Variants in EFHC2 observed in about 807,000 individuals in gnomAD.
EFHC2 encodes EF-hand domain-containing family member C2.
In EFHC2, 18 loss-of-function variants were observed where a neutral mutation model predicts 52.7. That is an observed-to-expected ratio of 0.34 (90% CI 0.24 to 0.51). The LOEUF (loss-of-function observed/expected upper bound fraction) is 0.51. EFHC2 is among the 20% of genes least tolerant of loss of function. The pLI is 0.97. For synonymous variants in EFHC2, 203 were observed against 204.1 expected, an observed-to-expected ratio of 0.99 and a Z score of 0.04; for missense variants, 513 against 562.5, an observed-to-expected ratio of 0.91 and a Z score of 0.89.
Position 44,229,734 on chromosome X carries a change from C to G in EFHC2, c.1666G>C (p.Glu556Gln), listed in dbSNP as rs760227013. 5 of 1,210,215 alleles carry G rather than the reference C, an allele frequency of 4.1e-6. 1 individual carries two copies. Among genetic ancestry groups the G allele is most frequent in the Middle Eastern group, 4.6e-4 (2 of 4,354 alleles). ...TTGAGCTCTCTGGATTTTCCTTCTTCTTGCTTCAGCTTTTGTAGGGCAAGT... is the reference window on the plus strand; with the variant it reads ...TTGAGCTCTCTGGATTTTCCTTCTTGTTGCTTCAGCTTTTGTAGGGCAAGT... ...LKLALQKLKQ[E>Q]EGKSRELKQV... is the part of the protein sequence containing the mutation. Residue 556 changes from glutamate (E) to glutamine (Q), a missense_variant, in exon 11 of 15, where the codon GAA becomes CAA. Transcript: ENST00000420999.
chrX:44,177,023 T>C (rs1234022004), intron 12 of EFHC2, among the ~76,000 whole-genome samples: 1 of 112,544 alleles, frequency 8.9e-6, no homozygotes, highest in African/African-American at 3.2e-5. Context: ...AAGTTGGCTC[T>C]TTTCTTTGCA....
intron 11 of EFHC2, among the ~76,000 whole-genome samples, chrX:44,210,983 A>G (rs2037090431): frequency 8.9e-6 from 1 of 112,279 alleles, no homozygotes; most frequent in Admixed American, 9.4e-5. Flanking sequence ...GTAATAAGAG[A>G]AACTAAAAAT....
chrX:44,263,814 A>G (rs1303755751), intron 3 of EFHC2, among the ~76,000 whole-genome samples: 1 of 112,136 alleles, frequency 8.9e-6, no homozygotes, highest in Non-Finnish European at 1.9e-5. Flanking sequence ...TTCTTCAAAA[A>G]TTCCATCTAT....
At chrX:44,159,057 C>T (rs1007810725) in intron 14 of EFHC2, among the ~76,000 whole-genome samples, 1 of 112,672 alleles carries the variant, frequency 8.9e-6, no homozygotes, top group Non-Finnish European at 1.9e-5. Context: ...TCTGGCCCAA[C>T]TCAGGACAAC....
At chrX:44,325,106 T>C (rs2038044218) in intron 1 of EFHC2, among the ~76,000 whole-genome samples, 1 of 111,641 alleles carries the variant, frequency 9.0e-6, no homozygotes, top group Admixed American at 9.6e-5. Context: ...TATTAGAGTA[T>C]TAGCTTGAAA....
Position 44,296,727 on chromosome X carries a change from C to T in EFHC2, c.231+15841G>A, listed in dbSNP as rs1156616776. On this transcript the variant is annotated intron_variant, in intron 2 of 14. Coordinates refer to ENST00000420999, the MANE Select transcript of EFHC2 (RefSeq NM_025184.4). ...TTTATCACCTTTCCTCCTAAAAGACCATTAAGTAAATTTGCTAAAATAGAA... is the reference window on the plus strand; with the variant it reads ...TTTATCACCTTTCCTCCTAAAAGACTATTAAGTAAATTTGCTAAAATAGAA... 7.2e-5 allele frequency among the ~76,000 whole-genome samples: 8 copies of T among 111,597 alleles called. No homozygotes were observed. The East Asian group carries it at 2.2e-3, about 31-fold the overall frequency.
intron 1 of EFHC2, among the ~76,000 whole-genome samples, chrX:44,323,729 C>T (rs896774063): frequency 2.7e-5 from 3 of 111,640 alleles, no homozygotes; most frequent in Non-Finnish European, 3.8e-5. Flanking sequence ...GAGCCCTCCA[C>T]AAGGCTAACC....
At chrX:44,187,775 G>T (rs1358861777) in intron 11 of EFHC2, among the ~76,000 whole-genome samples, 2 of 109,950 alleles carry the variant, frequency 1.8e-5, no homozygotes, top group African/African-American at 6.6e-5. Flanking sequence ...GGGTGACAGA[G>T]TGAGAAAGTG....
At chrX:44,272,540 C>A in intron 3 of EFHC2, 146 bp downstream of exon 3, 3 of 552,125 alleles carry the variant, frequency 5.4e-6, no homozygotes, top group Non-Finnish European at 5.5e-6. Flanking sequence ...AATAACTACA[C>A]GCTAATGGCA....
At chrX:44,254,139 T>C (rs755288600) in intron 4 of EFHC2, among the ~76,000 whole-genome samples, 25 of 111,967 alleles carry the variant, frequency 2.2e-4, no homozygotes, top group African/African-American at 7.5e-4. Context: ...AGACCAAAGG[T>C]AGATAAATCC....
chrX:44,292,975 CTTT>C (rs370747140), intron 2 of EFHC2, among the ~76,000 whole-genome samples: 38 of 94,174 alleles, frequency 4.0e-4, no homozygotes, highest in African/African-American at 1.1e-3. Context: ...TCCTTTCTTT[CTTT>C]TTTTTTTTTT....
At chrX:44,182,354 G>A (rs923334666) in intron 11 of EFHC2, among the ~76,000 whole-genome samples, 10 of 112,395 alleles carry the variant, frequency 8.9e-5, no homozygotes, top group African/African-American at 3.2e-4. Context: ...ACATGGACAT[G>A]TGGGTTACTT....
At chrX:44,289,055 T>C (rs192969379) in intron 2 of EFHC2, among the ~76,000 whole-genome samples, 23 of 112,225 alleles carry the variant, frequency 2.0e-4, no homozygotes, top group African/African-American at 7.4e-4. Context: ...GTTGTGACCA[T>C]ATAGCCTGTT....
At chrX:44,215,377 A>C (rs1287532191) in intron 11 of EFHC2, among the ~76,000 whole-genome samples, 1 of 111,109 alleles carries the variant, frequency 9.0e-6, no homozygotes, top group Non-Finnish European at 1.9e-5. Flanking sequence ...CAAAAATATC[A>C]AATATCTAGG....
rs190897790 is a variant in EFHC2, at chrX:44,246,934, C to A, written c.1111+1338G>T. ...TATACATTTAAATTTTCATTCTACA[C>A]TAAAGACGGATTCCAAACAGGCATC... On this transcript the variant is annotated intron_variant, in intron 7 of 14. Coordinates refer to ENST00000420999, the MANE Select transcript of EFHC2 (RefSeq NM_025184.4). Among the ~76,000 whole-genome samples the A allele has an allele frequency of 3.6e-5, 4 of 111,808 alleles. No homozygotes were observed. The Admixed American group carries it at 3.8e-4, about 11-fold the overall frequency.
intron 11 of EFHC2, among the ~76,000 whole-genome samples, chrX:44,198,149 C>A (rs1314727177): frequency 9.0e-6 from 1 of 111,521 alleles, no homozygotes; most frequent in African/African-American, 3.3e-5. Context: ...ATAAAATAAA[C>A]ACAATATAAA....
chrX:44,294,249 CGTGTGTGTGTGTGTGTGTGT>C lies in EFHC2; in HGVS notation c.231+18299_231+18318del, dbSNP rs200162737. ...AAGTTTTCAGATTTGGTATACTCAA[CGTGTGTGTGTGTGTGTGTGT>C]GTGTGTGTGTGTGTGTGTGTGTGTG... On this transcript the variant is annotated intron_variant, in intron 2 of 14. Coordinates refer to ENST00000420999, the MANE Select transcript of EFHC2 (RefSeq NM_025184.4). Among the ~76,000 whole-genome samples, 34 of 87,494 alleles carry C rather than the reference CGTGTGTGTGTGTGTGTGTGT, an allele frequency of 3.9e-4. No individual in the cohort carries two copies. In the East Asian group the frequency reaches 4.2e-3, roughly 11 times the overall value. The allele number at this position is 87,494 out of a possible 115,157, so 76.0% of individuals were successfully genotyped here. A position where few individuals can be genotyped will look rare whatever the true frequency, so the allele number is the denominator to read the frequency against.
At chrX:44,339,386 T>C (rs1010850382) in intron 1 of EFHC2, among the ~76,000 whole-genome samples, 1 of 111,532 alleles carries the variant, frequency 9.0e-6, no homozygotes, top group Non-Finnish European at 1.9e-5. Flanking sequence ...AAGTTCAGCA[T>C]GGAAATTGTT....
Position 44,235,296 on chromosome X carries a change from A to G in EFHC2, c.1423+9T>C. Reference sequence around the variant, plus strand: ...CTCAAGAAAATACTGTGAAGAGTATATCTCTTACCTGAATTCCTCTCTATA... The same window carrying G: ...CTCAAGAAAATACTGTGAAGAGTATGTCTCTTACCTGAATTCCTCTCTATA... On this transcript the variant is annotated intron_variant, in intron 9 of 14. Transcript: ENST00000420999. 1 of 1,156,479 alleles carries G rather than the reference A, an allele frequency of 8.6e-7. No individual in the cohort carries two copies. The highest frequency in any genetic ancestry group is 2.1e-5 in the South Asian group (1 of 48,172).
Sources: gnomAD v4.1 joint callset for allele counts (sites outside exome capture counted in the v4.1 genomes callset) on GRCh38, gnomAD v4.1.1 for gene constraint, MANE v1.5 for transcripts, NCBI Gene and HGNC (gene_info 2026-07-23, HGNC 2026-07-21) for gene names.